COL24A1: variants seen among roughly 807,000 people sequenced by gnomAD.
COL24A1 encodes the protein collagen alpha-1(XXIV) chain.
Under a neutral mutation model 253.9 loss-of-function variants are expected in COL24A1, and 224 were observed. The observed-to-expected ratio is 0.88, with a 90% CI of 0.79 to 0.99. The LOEUF (loss-of-function observed/expected upper bound fraction) is 0.99, where lower values mean the gene tolerates loss of function less well. Among genes scored for constraint, COL24A1 ranks in the 50% least tolerant of loss-of-function variants. The pLI, the probability that COL24A1 is intolerant of heterozygous loss-of-function variation, is 0.00. For synonymous variants in COL24A1, 685 were observed against 673.7 expected, an observed-to-expected ratio of 1.02 and a Z score of -0.26; for missense variants, 2,131 against 2,068.5, an observed-to-expected ratio of 1.03 and a Z score of -0.59.
intron 24 of COL24A1, among the ~76,000 whole-genome samples, chr1:85,923,773 G>C (rs1206674754): frequency 6.6e-6 from 1 of 152,008 alleles, no homozygotes; most frequent in Non-Finnish European, 1.5e-5. Flanking sequence ...ATAGAAGCAA[G>C]GGCAAACAAA....
At chr1:85,916,195 T>C (rs1428542915) in intron 24 of COL24A1, among the ~76,000 whole-genome samples, 2 of 152,174 alleles carry the variant, frequency 1.3e-5, no homozygotes, top group African/African-American at 2.4e-5. Context: ...TAAGTAACTG[T>C]TGTACTGTTG....
intron 14 of COL24A1, among the ~76,000 whole-genome samples, chr1:86,028,206 G>C (rs938063271): frequency 6.6e-6 from 1 of 152,154 alleles, no homozygotes; most frequent in Admixed American, 6.6e-5. Context: ...GTTAACGCTG[G>C]AATGAGCTAG....
intron 19 of COL24A1, among the ~76,000 whole-genome samples, chr1:86,000,962 G>A (rs1197248524): frequency 6.6e-6 from 1 of 152,174 alleles, no homozygotes; most frequent in Non-Finnish European, 1.5e-5. Flanking sequence ...AAACTGATAT[G>A]ACTATGCTTA....
At position 86,100,494 on chromosome 1, in the gene COL24A1, C is replaced by A. The variant is rs571555349; in HGVS notation, c.1600-8174G>T. ...TAAAATATATATATTTGGTTTTTGT[C>A]CCCAGTTCCTGGCATAGAGCTCCTA... On this transcript the variant is annotated intron_variant, in intron 5 of 59. Coordinates refer to ENST00000370571, the MANE Select transcript of COL24A1 (RefSeq NM_152890.7). Among the ~76,000 whole-genome samples the A allele has an allele frequency of 2.6e-5, 4 of 152,020 alleles. No individual in the cohort carries two copies. The South Asian group carries it at 8.3e-4, about 32-fold the overall frequency.
At chr1:85,788,751 A>G (rs965484716) in intron 47 of COL24A1, among the ~76,000 whole-genome samples, 9 of 152,318 alleles carry the variant, frequency 5.9e-5, no homozygotes, top group African/African-American at 1.9e-4. Flanking sequence ...GGTGTAAGGA[A>G]GGAGTCCAGT....
intron 2 of COL24A1, among the ~76,000 whole-genome samples, chr1:86,136,959 G>A (rs1650349870): frequency 1.3e-5 from 2 of 150,540 alleles, no homozygotes; most frequent in African/African-American, 2.5e-5. Context: ...AGGGTAGAAG[G>A]CACATATGAC....
At chr1:86,093,766 G>A (rs1703684743) in intron 5 of COL24A1, among the ~76,000 whole-genome samples, 1 of 151,860 alleles carries the variant, frequency 6.6e-6, no homozygotes, top group African/African-American at 2.4e-5. Flanking sequence ...TACCCAGCAT[G>A]TATAGGAACT....
chr1:86,097,628 T>C (rs1704106170), intron 5 of COL24A1, among the ~76,000 whole-genome samples: 1 of 114,868 alleles, frequency 8.7e-6, no homozygotes, highest in African/African-American at 3.5e-5. Flanking sequence ...TTCTTCTTTT[T>C]CTTATTCTTA....
intron 2 of COL24A1, among the ~76,000 whole-genome samples, chr1:86,142,346 A>C (rs1651232045): frequency 6.6e-6 from 1 of 151,840 alleles, no homozygotes; most frequent in South Asian, 2.1e-4. Context: ...ACACGGTGAA[A>C]CCCTGTCTCT....
At position 85,936,871 on chromosome 1, in the gene COL24A1, G is replaced by A. The variant is rs1034350333; in HGVS notation, c.2562+24378C>T. Among the ~76,000 whole-genome samples the A allele has an allele frequency of 4.1e-5, 6 of 147,406 alleles. 1 individual carries two copies. The highest frequency in any genetic ancestry group is 7.5e-5 in the African/African-American group (3 of 40,172). On this transcript the variant is annotated intron_variant, in intron 24 of 59. Transcript: ENST00000370571. The stretch of plus-strand genomic sequence containing the variant: ...TTTGAAAAATGAATTCCAGCATACC[G>A]GTAGCCTTAGTAGAGTCTGGGCACT...
intron 50 of COL24A1, among the ~76,000 whole-genome samples, chr1:85,783,828 T>C (rs910757896): frequency 6.6e-6 from 1 of 152,144 alleles, no homozygotes; most frequent in Non-Finnish European, 1.5e-5. Flanking sequence ...GGTATAGGCA[T>C]TTACTGTAAA....
At chr1:85,829,524 A>G (rs915463065) in intron 43 of COL24A1, among the ~76,000 whole-genome samples, 2 of 151,944 alleles carry the variant, frequency 1.3e-5, no homozygotes, top group Non-Finnish European at 2.9e-5. Context: ...GTGTTTTCCA[A>G]CTTGGTTCCA....
chr1:86,153,677 C>T (rs1351157148), intron 1 of COL24A1, among the ~76,000 whole-genome samples: 1 of 152,194 alleles, frequency 6.6e-6, no homozygotes, highest in Non-Finnish European at 1.5e-5. Context: ...CTCCCTGAGA[C>T]ATCAGCTTAT....
chr1:85,920,942 A>C (rs1259501034), intron 24 of COL24A1, among the ~76,000 whole-genome samples: 1 of 151,758 alleles, frequency 6.6e-6, no homozygotes, highest in Non-Finnish European at 1.5e-5. Context: ...AAAAAAAAAC[A>C]AAAACAAAAG....
chr1:86,003,398 T>C (rs1166764792), intron 19 of COL24A1, among the ~76,000 whole-genome samples: 3 of 152,146 alleles, frequency 2.0e-5, no homozygotes, highest in Admixed American at 6.5e-5. Context: ...GCTGCATTAA[T>C]AGGTAGCCCA....
chr1:85,872,633 A>T (rs566326892), intron 35 of COL24A1, among the ~76,000 whole-genome samples: 21 of 152,338 alleles, frequency 1.4e-4, no homozygotes, highest in African/African-American at 4.3e-4. Flanking sequence ...CTGGCTAGCC[A>T]TATGTAGAAA....
intron 3 of COL24A1, among the ~76,000 whole-genome samples, chr1:86,122,015 C>T (rs546263198): frequency 6.6e-6 from 1 of 152,168 alleles, no homozygotes; most frequent in Admixed American, 6.6e-5. Flanking sequence ...ACATCTACTT[C>T]AAGAAGCAGT....
chr1:86,061,007 A>G, intron 8 of COL24A1, among the ~76,000 whole-genome samples: 1 of 152,124 alleles, frequency 6.6e-6, no homozygotes, highest in Non-Finnish European at 1.5e-5. Context: ...AAAACCCTAT[A>G]AGATAGATAT....
intron 24 of COL24A1, among the ~76,000 whole-genome samples, chr1:85,951,660 C>T (rs147103496): frequency 6.6e-6 from 1 of 152,146 alleles, no homozygotes; most frequent in African/African-American, 2.4e-5. Context: ...CTCATTTTCC[C>T]CCTTATAATC....
Sources: allele counts gnomAD v4.1 joint callset (sites outside exome capture counted in the v4.1 genomes callset), GRCh38; gene constraint gnomAD v4.1.1; transcripts MANE v1.5; gene names NCBI Gene and HGNC (gene_info 2026-07-23, HGNC 2026-07-21).